The following SEMA3D variants were observed in gnomAD, a reference collection of about 807,000 sequenced individuals.
SEMA3D encodes the protein semaphorin-3D.
A neutral mutation model predicts 100.1 loss-of-function variants in SEMA3D; 84 were observed. The observed-to-expected ratio is 0.84, with a 90% CI of 0.70 to 1.01. The LOEUF is 1.01. Ranked by LOEUF, SEMA3D falls within the 50% of genes least tolerant of loss-of-function variation. SEMA3D has a pLI of 0.00. For synonymous variants in SEMA3D, 312 were observed against 320.7 expected, an observed-to-expected ratio of 0.97 and a Z score of 0.29; for missense variants, 875 against 934.1, an observed-to-expected ratio of 0.94 and a Z score of 0.82.
At chr7:85,248,918 A>G in the SEMA3D span, among the ~76,000 whole-genome samples, 1 of 152,208 alleles carries the variant, frequency 6.6e-6, no homozygotes, top group Non-Finnish European at 1.5e-5. Context: ...GACATTACAC[A>G]TTTGTCAAAA....
the SEMA3D span, among the ~76,000 whole-genome samples, chr7:85,215,208 A>G: frequency 1.3e-5 from 2 of 150,714 alleles, no homozygotes; most frequent in Admixed American, 1.3e-4. Flanking sequence ...ATTGCCCTGC[A>G]CTCATTAACT....
chr7:85,160,666 C>T (rs545797965), intron 1 of SEMA3D, among the ~76,000 whole-genome samples: 1 of 151,948 alleles, frequency 6.6e-6, no homozygotes, highest in Non-Finnish European at 1.5e-5. Flanking sequence ...GTGTTCAGAC[C>T]CAGGCTTCTC....
chr7:85,042,542 G>T (rs1406305679), intron 9 of SEMA3D, among the ~76,000 whole-genome samples: 1 of 149,912 alleles, frequency 6.7e-6, no homozygotes, highest in Non-Finnish European at 1.5e-5. Flanking sequence ...ACAAGGCAAT[G>T]GTAAAGGCAG....
the SEMA3D span, among the ~76,000 whole-genome samples, chr7:85,209,944 T>G: frequency 6.6e-6 from 1 of 152,068 alleles, no homozygotes; most frequent in Non-Finnish European, 1.5e-5. Flanking sequence ...CTTCAAAAAT[T>G]TCCAAGAACA....
chr7:85,089,166 C>A (rs1788306086), intron 4 of SEMA3D, among the ~76,000 whole-genome samples: 2 of 152,128 alleles, frequency 1.3e-5, no homozygotes, highest in African/African-American at 2.4e-5. Flanking sequence ...AAATCATCTC[C>A]ACCAAGTTAA....
chr7:85,067,131 C>T (rs542813802), intron 7 of SEMA3D, among the ~76,000 whole-genome samples: 1 of 152,068 alleles, frequency 6.6e-6, no homozygotes, highest in Non-Finnish European at 1.5e-5. Flanking sequence ...ACTTTGAAAC[C>T]TATAAAATTG....
intron 2 of SEMA3D, chr7:85,151,727 A>G: frequency 1.0e-6 from 1 of 961,504 alleles, no homozygotes; most frequent in Non-Finnish European, 1.2e-6. Context: ...TTTTGTGGTA[A>G]TATTTTCTGT....
At chr7:85,066,145 C>T (rs776563625) in intron 7 of SEMA3D, among the ~76,000 whole-genome samples, 1 of 152,134 alleles carries the variant, frequency 6.6e-6, no homozygotes, top group Non-Finnish European at 1.5e-5. Flanking sequence ...GTTGCCATTA[C>T]TGCATACCAA....
chr7:85,236,689 A>T, the SEMA3D span, among the ~76,000 whole-genome samples: 1 of 152,194 alleles, frequency 6.6e-6, no homozygotes, highest in Non-Finnish European at 1.5e-5. Flanking sequence ...CACTAGTTTT[A>T]AAAATCATCT....
At chr7:85,073,526 A>C (rs1791835708) in intron 5 of SEMA3D, among the ~76,000 whole-genome samples, 1 of 152,100 alleles carries the variant, frequency 6.6e-6, no homozygotes, top group Admixed American at 6.6e-5. Flanking sequence ...CTAGGACTAC[A>C]AGCACCCACC....
chr7:85,133,047 A>G (rs901894619), intron 2 of SEMA3D, among the ~76,000 whole-genome samples: 1 of 151,984 alleles, frequency 6.6e-6, no homozygotes, highest in African/African-American at 2.4e-5. Context: ...ATAAAGTGCC[A>G]GAAATTTCAG....
At chr7:85,219,455 AT>A in the SEMA3D span, among the ~76,000 whole-genome samples, 135 of 63,650 alleles carry the variant, frequency 2.1e-3, 2 homozygotes, top group Middle Eastern at 9.1e-3. Context: ...AATGAAAGAC[AT>A]TTTTTTTAGC....
intron 1 of SEMA3D, among the ~76,000 whole-genome samples, chr7:85,161,092 T>A (rs1790734558): frequency 1.3e-5 from 2 of 152,102 alleles, no homozygotes; most frequent in African/African-American, 4.8e-5. Flanking sequence ...GACAACACAA[T>A]CAACATAAAA....
chr7:85,170,205 C>T (rs988420611), intron 1 of SEMA3D, among the ~76,000 whole-genome samples: 1 of 151,620 alleles, frequency 6.6e-6, no homozygotes, highest in African/African-American at 2.4e-5. Context: ...GTAAGATTAC[C>T]ATTGGTTTCT....
intron 12 of SEMA3D, among the ~76,000 whole-genome samples, chr7:85,031,540 G>C (rs1584537054): frequency 6.6e-6 from 1 of 152,038 alleles, no homozygotes; most frequent in South Asian, 2.1e-4. Context: ...CTGTTTGGTT[G>C]CTCATTTGTT....
chr7:85,022,469 C>G lies in SEMA3D; in HGVS notation c.1336G>C (p.Asp446His). 6.2e-7 allele frequency: 1 copy of G among 1,612,562 alleles called. No homozygotes were observed. ...GGPTFKRINVDYRLTQIVVDH... is the reference protein window; with the variant it reads ...GGPTFKRINVHYRLTQIVVDH... ...ACCACTATCTGTGTCAGTCTGTAAT[C>G]CACATTGATTCTCTTGAACGTTGGT... The change falls in exon 13 of 19, where the codon GAT becomes CAT. Residue 446 changes from aspartate (D) to histidine (H), a missense_variant. Transcript: ENST00000284136.
At chr7:85,061,440 C>G (rs544750991) in intron 8 of SEMA3D, among the ~76,000 whole-genome samples, 22 of 152,172 alleles carry the variant, frequency 1.4e-4, no homozygotes, top group African/African-American at 4.8e-4. Flanking sequence ...CTAAGTGCTT[C>G]GGTGATAAAA....
chr7:85,152,517 T>C (rs1045000781), intron 2 of SEMA3D, among the ~76,000 whole-genome samples: 2 of 152,012 alleles, frequency 1.3e-5, no homozygotes, highest in Non-Finnish European at 2.9e-5. Context: ...CACAATCTTA[T>C]AGTAAAAGAA....
intron 1 of SEMA3D, among the ~76,000 whole-genome samples, chr7:85,176,058 G>C (rs967168708): frequency 6.6e-6 from 1 of 151,140 alleles, no homozygotes; most frequent in South Asian, 2.1e-4. Context: ...AAGATATATT[G>C]ATAGAAGTTT....
Sources: gnomAD v4.1 joint callset for allele counts (sites outside exome capture counted in the v4.1 genomes callset) on GRCh38, gnomAD v4.1.1 for gene constraint, MANE v1.5 for transcripts, NCBI Gene and HGNC (gene_info 2026-07-23, HGNC 2026-07-21) for gene names.